Variants in LRRC4C observed in about 807,000 individuals in gnomAD.
LRRC4C encodes leucine rich repeat containing 4C, also known as leucine-rich repeat-containing protein 4C.
A neutral mutation model predicts 33.6 loss-of-function variants in LRRC4C; 5 were observed. That is an observed-to-expected ratio of 0.15 (90% confidence interval 0.08 to 0.31). The LOEUF is 0.31. LRRC4C is among the 10% of genes least tolerant of loss of function. LRRC4C has a pLI of 1.00. For missense variants in LRRC4C, 560 were observed against 796.7 expected (o/e 0.70, Z 3.58); for synonymous variants, 329 against 302.0 (o/e 1.09, Z -0.93).
intron 1 of LRRC4C, among the ~76,000 whole-genome samples, chr11:41,363,033 C>G (rs1271664932): frequency 6.6e-6 from 1 of 152,156 alleles, no homozygotes; most frequent in Non-Finnish European, 1.5e-5. Context: ...CATGCTACCC[C>G]AGGTGAGGAA....
intron 2 of LRRC4C, among the ~76,000 whole-genome samples, chr11:40,665,326 ATATATAT>A (rs1220102414): frequency 6.8e-4 from 4 of 5,872 alleles, no homozygotes; most frequent in South Asian, 4.4e-3. Flanking sequence ...AAAAAAAAAA[ATATATAT>A]ATATATATAT....
chr11:40,870,292 T>TG (rs1313375500), intron 2 of LRRC4C, among the ~76,000 whole-genome samples: 1 of 152,080 alleles, frequency 6.6e-6, no homozygotes, highest in Non-Finnish European at 1.5e-5. Flanking sequence ...TCACTGTGAG[T>TG]GGGGGGTTGC....
chr11:41,077,630 T>C (rs1939253804), intron 1 of LRRC4C, among the ~76,000 whole-genome samples: 1 of 152,152 alleles, frequency 6.6e-6, no homozygotes, highest in Non-Finnish European at 1.5e-5. Flanking sequence ...TTTTCCTTCT[T>C]ACACCTGGGG....
chr11:40,364,921 T>TA (rs140371295), intron 3 of LRRC4C, among the ~76,000 whole-genome samples: 3,694 of 150,922 alleles, frequency 0.024, 138 homozygotes, highest in African/African-American at 0.082. Context: ...TACATGTATG[T>TA]AAAAAAAAAC....
chr11:41,244,900 A>G (rs987919501), intron 1 of LRRC4C, among the ~76,000 whole-genome samples: 1 of 152,170 alleles, frequency 6.6e-6, no homozygotes, highest in African/African-American at 2.4e-5. Context: ...CATCAACGAT[A>G]ATGCTTAGCA....
chr11:41,005,627 A>C (rs573895756), intron 1 of LRRC4C, among the ~76,000 whole-genome samples: 70 of 151,776 alleles, frequency 4.6e-4, no homozygotes, highest in South Asian at 2.7e-3. Context: ...AAAATAAAAA[A>C]AGCTGCCCCT....
rs769320422 is a variant in LRRC4C, at chr11:40,298,878, C to CTATTTTGAAAAGAGCA, written c.-176+20734_-176+20749dup. On this transcript the variant is annotated intron_variant, in intron 4 of 6. Transcript: ENST00000528697. ...AGCAGATCTCCTGAGAACTCATTCA[C>CTATTTTGAAAAGAGCA]TATTTTGAAAAGAGCATGGGGGGAA... 1.9e-3 allele frequency among the ~76,000 whole-genome samples: 294 copies of CTATTTTGAAAAGAGCA among 152,208 alleles called. 1 individual carries two copies. The highest frequency in any genetic ancestry group is 3.0e-3 in the Non-Finnish European group (203 of 68,006).
At chr11:40,529,090 T>C (rs796802676) in intron 3 of LRRC4C, among the ~76,000 whole-genome samples, 28 of 152,270 alleles carry the variant, frequency 1.8e-4, no homozygotes, top group African/African-American at 6.0e-4. Flanking sequence ...TAGTCAACTG[T>C]TTTACACTGT....
chr11:40,223,585 C>A (rs992922941), intron 5 of LRRC4C, among the ~76,000 whole-genome samples: 1 of 152,152 alleles, frequency 6.6e-6, no homozygotes, highest in East Asian at 1.9e-4. Context: ...AGAGACCAAC[C>A]AAGGCTGGGC....
chr11:40,253,289 G>A (rs1006208537), intron 4 of LRRC4C, among the ~76,000 whole-genome samples: 4 of 152,246 alleles, frequency 2.6e-5, no homozygotes, highest in Admixed American at 2.6e-4. Context: ...TTTCAAAAAC[G>A]TAGCACATGC....
chr11:41,068,399 A>G (rs7931569), intron 1 of LRRC4C, among the ~76,000 whole-genome samples: 135 of 151,800 alleles, frequency 8.9e-4, no homozygotes, highest in Non-Finnish European at 1.6e-3. Flanking sequence ...CCCTCCCCCC[A>G]ACAAAAAAAA....
chr11:40,838,599 T>G (rs1453561136), intron 2 of LRRC4C, among the ~76,000 whole-genome samples: 1 of 120,972 alleles, frequency 8.3e-6, no homozygotes, highest in East Asian at 2.7e-4. Context: ...TTTGTTTATA[T>G]ATGATGAAAA....
chr11:41,210,624 A>G (rs1946785124), intron 1 of LRRC4C, among the ~76,000 whole-genome samples: 1 of 152,168 alleles, frequency 6.6e-6, no homozygotes, highest in Non-Finnish European at 1.5e-5. Flanking sequence ...AAAGATATCT[A>G]GTACCTGAAT....
At chr11:40,738,413 C>T (rs903113449) in intron 2 of LRRC4C, among the ~76,000 whole-genome samples, 4 of 152,062 alleles carry the variant, frequency 2.6e-5, no homozygotes, top group African/African-American at 9.7e-5. Flanking sequence ...CTATCTCTTT[C>T]TATGTACTAT....
chr11:41,002,741 T>TC (rs1014356277), intron 1 of LRRC4C, among the ~76,000 whole-genome samples: 39 of 152,244 alleles, frequency 2.6e-4, no homozygotes, highest in South Asian at 2.5e-3. Context: ...CCATCTAGCA[T>TC]CACAGAAGAA....
chr11:40,914,011 A>G (rs1403861173), intron 2 of LRRC4C, among the ~76,000 whole-genome samples: 2 of 151,984 alleles, frequency 1.3e-5, no homozygotes, highest in Non-Finnish European at 2.9e-5. Flanking sequence ...GAAGCTGACT[A>G]TCTGATTGAC....
chr11:41,224,213 T>A (rs1399815760), intron 1 of LRRC4C, among the ~76,000 whole-genome samples: 1 of 152,196 alleles, frequency 6.6e-6, no homozygotes, highest in Non-Finnish European at 1.5e-5. Context: ...GGGAATCATC[T>A]GTTCTTTTTA....
At chr11:40,430,709 T>C (rs2137844889) in intron 3 of LRRC4C, among the ~76,000 whole-genome samples, 1 of 152,180 alleles carries the variant, frequency 6.6e-6, no homozygotes, top group Non-Finnish European at 1.5e-5. Flanking sequence ...TGCCTTCTAT[T>C]ACCACAAATC....
At chr11:41,068,949 C>T (rs1419457499) in intron 1 of LRRC4C, among the ~76,000 whole-genome samples, 1 of 152,114 alleles carries the variant, frequency 6.6e-6, no homozygotes, top group East Asian at 1.9e-4. Flanking sequence ...AGACCAAAAC[C>T]TGGAAAAGAT....
Sources: allele counts gnomAD v4.1 joint callset (sites outside exome capture counted in the v4.1 genomes callset), GRCh38; gene constraint gnomAD v4.1.1; transcripts MANE v1.5; gene names NCBI Gene and HGNC (gene_info 2026-07-23, HGNC 2026-07-21).